The following RASSF2 variants were observed in gnomAD, a reference collection of about 807,000 sequenced individuals.
RASSF2 encodes ras association domain-containing protein 2.
In RASSF2, 34 loss-of-function variants were observed where a neutral mutation model predicts 46.3. The ratio of observed to expected loss-of-function variants is 0.73; its 90% CI spans 0.56 to 0.98. The LOEUF is 0.98. Among genes scored for constraint, RASSF2 ranks in the 50% least tolerant of loss-of-function variants. RASSF2 has a pLI of 0.00. For synonymous variants in RASSF2, 158 were observed against 162.5 expected, an observed-to-expected ratio of 0.97 and a Z score of 0.21; for missense variants, 364 against 431.2, an observed-to-expected ratio of 0.84 and a Z score of 1.38.
chr20:4,814,426 C>A (rs973112114), intron 2 of RASSF2, among the ~76,000 whole-genome samples: 16 of 152,180 alleles, frequency 1.1e-4, no homozygotes, highest in African/African-American at 3.9e-4. Context: ...CTCAAGGGAA[C>A]CCCAGCATTC....
intron 3 of RASSF2, among the ~76,000 whole-genome samples, chr20:4,798,539 A>C (rs923541733): frequency 6.6e-6 from 1 of 152,136 alleles, no homozygotes; most frequent in African/African-American, 2.4e-5. Context: ...AAGACTCAGA[A>C]GCTGGCTGCG....
intron 2 of RASSF2, among the ~76,000 whole-genome samples, chr20:4,816,441 ACC>A (rs918276646): frequency 6.6e-6 from 1 of 152,238 alleles, no homozygotes; most frequent in Non-Finnish European, 1.5e-5. Context: ...ACTAGAAGCT[ACC>A]AGGAGCTGGA....
At chr20:4,820,745 A>G (rs1928636054) in intron 2 of RASSF2, among the ~76,000 whole-genome samples, 1 of 152,012 alleles carries the variant, frequency 6.6e-6, no homozygotes, top group African/African-American at 2.4e-5. Context: ...TTCCAAGCAC[A>G]CTGCTGAGAC....
At chr20:4,819,837 T>C (rs1928575823) in intron 2 of RASSF2, among the ~76,000 whole-genome samples, 2 of 152,170 alleles carry the variant, frequency 1.3e-5, no homozygotes, top group Non-Finnish European at 1.5e-5. Context: ...TTTTCACCAA[T>C]TGAAGGAACA....
chr20:4,813,946 C>T (rs1333351533), intron 2 of RASSF2, among the ~76,000 whole-genome samples: 1 of 152,078 alleles, frequency 6.6e-6, no homozygotes, highest in East Asian at 1.9e-4. Context: ...CATAGTCCCT[C>T]GTGGGCTCCA....
chr20:4,789,448 TC>T, intron 8 of RASSF2, 147 bp downstream of exon 8: 1 of 640,748 alleles, frequency 1.6e-6, no homozygotes, highest in Non-Finnish European at 2.7e-6. Flanking sequence ...GTGGACTTTG[TC>T]CTGGATCGTG....
intron 2 of RASSF2, among the ~76,000 whole-genome samples, chr20:4,815,686 C>T (rs181951925): frequency 1.3e-5 from 2 of 152,342 alleles, no homozygotes; most frequent in East Asian, 3.9e-4. Context: ...GAATCGTGAG[C>T]CCACATTTCC....
chr20:4,817,093 G>A (rs1427147638), intron 2 of RASSF2, among the ~76,000 whole-genome samples: 1 of 152,080 alleles, frequency 6.6e-6, no homozygotes. Flanking sequence ...CAACAAGAGT[G>A]AAACTACATC....
chr20:4,819,121 C>T (rs561657999), intron 2 of RASSF2, among the ~76,000 whole-genome samples: 108 of 152,190 alleles, frequency 7.1e-4, no homozygotes, highest in Non-Finnish European at 1.4e-3. Context: ...CGCCACCATG[C>T]CCGGATAATT....
chr20:4,816,729 A>G (rs1928338747), intron 2 of RASSF2, among the ~76,000 whole-genome samples: 1 of 152,230 alleles, frequency 6.6e-6, no homozygotes, highest in Admixed American at 6.5e-5. Flanking sequence ...CACTATTGAC[A>G]TTTTACCATA....
At chr20:4,801,381 A>G (rs1267380862) in intron 2 of RASSF2, among the ~76,000 whole-genome samples, 2 of 152,190 alleles carry the variant, frequency 1.3e-5, no homozygotes, top group Non-Finnish European at 2.9e-5. Flanking sequence ...TCCTCTCTGA[A>G]GAGACCGTCA....
chr20:4,815,284 G>A (rs1054136683), intron 2 of RASSF2, among the ~76,000 whole-genome samples: 15 of 152,166 alleles, frequency 9.9e-5, no homozygotes, highest in Non-Finnish European at 1.6e-4. Context: ...GTGGCACCAT[G>A]GCCCCGACTG....
chr20:4,790,302 C>T lies in RASSF2; in HGVS notation c.537+149G>A. 1.0e-6 allele frequency: 1 copy of T among 955,146 alleles called. No individual in the cohort carries two copies. Among genetic ancestry groups the T allele is most frequent in the East Asian group, 3.3e-5 (1 of 30,290 alleles). The allele number at this position is 955,146 out of a possible 1,614,324, so 59.2% of individuals were successfully genotyped here. On this transcript the variant is annotated intron_variant, in intron 7 of 11. Transcript: ENST00000379400. This position sits in a 1 kb window ranked among gnomAD's most constrained non-coding sequence, Gnocchi z 4.3. ...CTCAGCCCTCAGGAAGCCAGCAGGG[C>T]TTGCAGCCCACCCACAACCCAAAGA...
chr20:4,786,598 A>C lies in RASSF2; in HGVS notation c.814-270T>G, dbSNP rs184401279. On this transcript the variant is annotated intron_variant, in intron 10 of 11. Coordinates refer to ENST00000379400, the MANE Select transcript of RASSF2 (RefSeq NM_014737.3). ...TGATGAGGTGAAGCCAAACACAGAA[A>C]AGTACTTTCTTTTGACACAGTGATG... Among the ~76,000 whole-genome samples the C allele has an allele frequency of 1.5e-4, 23 of 152,308 alleles. No homozygotes were observed. In the East Asian group the frequency reaches 4.3e-3, roughly 28 times the overall value.
intron 11 of RASSF2, among the ~76,000 whole-genome samples, chr20:4,785,445 G>A (rs140448838): frequency 7.2e-5 from 11 of 152,272 alleles, no homozygotes; most frequent in Admixed American, 3.3e-4. Flanking sequence ...ATCCAGCAGC[G>A]GCTTTATTCT....
intron 2 of RASSF2, among the ~76,000 whole-genome samples, chr20:4,801,875 A>G (rs6116517): frequency 0.026 from 4,018 of 152,084 alleles, 141 homozygotes; most frequent in African/African-American, 0.089. Flanking sequence ...AGTAGCTGGA[A>G]CTACAGGTGC....
At chr20:4,813,476 G>A (rs1419118044) in intron 2 of RASSF2, among the ~76,000 whole-genome samples, 2 of 150,286 alleles carry the variant, frequency 1.3e-5, no homozygotes, top group African/African-American at 4.8e-5. Context: ...CTCCACCCCA[G>A]TGGGAGGGTG....
chr20:4,822,673 G>A (rs1928779748), intron 1 of RASSF2, among the ~76,000 whole-genome samples: 2 of 152,276 alleles, frequency 1.3e-5, no homozygotes, highest in African/African-American at 4.8e-5. Flanking sequence ...ACGCCAGGCT[G>A]AGGTCCCAGC....
Position 4,798,550 on chromosome 20 carries a change from C to T in RASSF2, c.60-465G>A, listed in dbSNP as rs568435171. 3.2e-4 allele frequency among the ~76,000 whole-genome samples: 48 copies of T among 152,214 alleles called. 1 individual carries two copies. The South Asian group carries it at 4.3e-3, about 14-fold the overall frequency. On this transcript the variant is annotated intron_variant, in intron 3 of 11. Transcript: ENST00000379400. ...TCACAAGACTCAGAAGCTGGCTGCG[C>T]GCAGTGGCTCATGCCTGTAATCCCA...
Sources: allele counts gnomAD v4.1 joint callset (sites outside exome capture counted in the v4.1 genomes callset), GRCh38; gene constraint gnomAD v4.1.1; non-coding constraint Gnocchi (gnomAD v3.1); transcripts MANE v1.5; gene names NCBI Gene and HGNC (gene_info 2026-07-23, HGNC 2026-07-21).